The following ZNF486 variants were observed in gnomAD, a reference collection of about 807,000 sequenced individuals.
The protein encoded by ZNF486 is KRAB box only protein 2.
A neutral mutation model predicts 12.8 loss-of-function variants in ZNF486; 12 were observed. That is an observed-to-expected ratio of 0.94 (90% CI 0.60 to 1.52). The LOEUF (loss-of-function observed/expected upper bound fraction) is 1.52. Among genes scored for constraint, ZNF486 ranks in the 40% most tolerant of loss-of-function variants. The pLI is 0.00. For missense variants in ZNF486, 738 were observed against 545.0 expected, an observed-to-expected ratio of 1.35 and a Z score of -3.53; for synonymous variants, 231 against 184.9, an observed-to-expected ratio of 1.25 and a Z score of -2.02.
chr19:20,185,794 T>A (rs1473879798), intron 2 of ZNF486, among the ~76,000 whole-genome samples, 193 bp from the exon 3 acceptor site: 3 of 144,104 alleles, frequency 2.1e-5, no homozygotes, highest in African/African-American at 8.3e-5. Flanking sequence ...CTTATTTTAC[T>A]CCATCTCCAA....
chr19:20,193,697 A>G (rs2089926362), intron 3 of ZNF486, among the ~76,000 whole-genome samples: 1 of 152,176 alleles, frequency 6.6e-6, no homozygotes, highest in Non-Finnish European at 1.5e-5. Context: ...GATTGGAAAG[A>G]TGATTATATA....
At chr19:20,172,249 G>A (rs937797810) in intron 1 of ZNF486, among the ~76,000 whole-genome samples, 31 of 151,608 alleles carry the variant, frequency 2.0e-4, no homozygotes, top group African/African-American at 6.1e-4. Context: ...GTGATTACCC[G>A]GCCTCAGCCT....
chr19:20,167,506 C>G, intron 1 of ZNF486, 146 bp downstream of exon 1: 1 of 915,212 alleles, frequency 1.1e-6, no homozygotes, highest in East Asian at 2.6e-5. Flanking sequence ...TCCCCTTCAG[C>G]CATAAGATGG....
rs140963330 is a variant in ZNF486, at chr19:20,169,153, T to C, written c.30+1793T>C. On this transcript the variant is annotated intron_variant, in intron 1 of 3. Coordinates refer to ENST00000335117, the MANE Select transcript of ZNF486 (RefSeq NM_052852.4). ...TTTTGACATGGAGTTTAGCTCTTAT[T>C]ACCCAGTCTGGAGTGCAATGGTATG... 9.6e-3 allele frequency among the ~76,000 whole-genome samples: 1,455 copies of C among 152,154 alleles called. 27 individuals carry two copies. The highest frequency in any genetic ancestry group is 0.034 in the African/African-American group (1,396 of 41,504).
intron 3 of ZNF486, among the ~76,000 whole-genome samples, chr19:20,193,558 G>C (rs1555717490): frequency 1.3e-5 from 2 of 152,164 alleles, no homozygotes; most frequent in African/African-American, 4.8e-5. Flanking sequence ...CTCCTCAGGA[G>C]GCTGAAGCAG....
At position 20,175,331 on chromosome 19, in the gene ZNF486, A is replaced by ATTTTTTTTTTTTTTTT. The variant is rs782300626; in HGVS notation, c.30+7975_30+7990dup. 2.6e-3 allele frequency: 309 copies of ATTTTTTTTTTTTTTTT among 119,732 alleles called. 3 individuals carry two copies. Among genetic ancestry groups the ATTTTTTTTTTTTTTTT allele is most frequent in the Non-Finnish European group, 4.0e-3 (239 of 59,568 alleles). The allele number at this position is 119,732 out of a possible 1,614,324, so 7.4% of individuals were successfully genotyped here. A position where few individuals can be genotyped will look rare whatever the true frequency, so the allele number is the denominator to read the frequency against. The stretch of plus-strand genomic sequence containing the variant: ...GGTGTCTGTTTCAGAAGCCCTATTA[A>ATTTTTTTTTTTTTTTT]TTTTTTTTTTTTTTTTTTTATTGAT... On this transcript the variant is annotated intron_variant, in intron 1 of 3. Coordinates refer to ENST00000335117, the MANE Select transcript of ZNF486 (RefSeq NM_052852.4).
chr19:20,187,445 G>C (rs1419800084), intron 3 of ZNF486, among the ~76,000 whole-genome samples: 1 of 150,664 alleles, frequency 6.6e-6, no homozygotes, highest in African/African-American at 2.4e-5. Context: ...TTGACAATGG[G>C]CACAATATAG....
chr19:20,190,763 CTTGGTT>C, intron 3 of ZNF486, among the ~76,000 whole-genome samples: 1 of 152,158 alleles, frequency 6.6e-6, no homozygotes, highest in Non-Finnish European at 1.5e-5. Flanking sequence ...TGTGTATTAT[CTTGGTT>C]TTGACTGGAG....
chr19:20,176,308 G>T, intron 1 of ZNF486: 1 of 180,486 alleles, frequency 5.5e-6, no homozygotes, highest in Non-Finnish European at 1.1e-5. Flanking sequence ...TAGATGGGAT[G>T]GCGGCCGGGC....
chr19:20,178,343 A>G (rs2089746570), intron 1 of ZNF486, among the ~76,000 whole-genome samples: 1 of 152,116 alleles, frequency 6.6e-6, no homozygotes, highest in South Asian at 2.1e-4. Flanking sequence ...TCCTGGGTTC[A>G]TGCCATTCTC....
chr19:20,197,594 A>G lies in ZNF486; in HGVS notation c.884A>G (p.Lys295Arg), dbSNP rs1245906167. 2 of 1,613,644 alleles carry G rather than the reference A, an allele frequency of 1.2e-6. No individual in the cohort carries two copies. The highest frequency in any genetic ancestry group is 1.3e-5 in the African/African-American group (1 of 74,876). Residue 295 changes from lysine to arginine, a missense_variant, in exon 4 of 4, where the codon AAA (lysine) becomes AGA (arginine). Lys to Arg is a conservative substitution (Grantham distance 26). Transcript: ENST00000335117. Reference sequence around the variant, plus strand: ...ATCCATACTGGAGAGCAACCCTACAAATGTAAAGAATGTGACAAAGCTTTT... The same window carrying G: ...ATCCATACTGGAGAGCAACCCTACAGATGTAAAGAATGTGACAAAGCTTTT... ...KIIHTGEQPY[K>R]CKECDKAFNH...
chr19:20,186,039 A>T lies in ZNF486; in HGVS notation c.210A>T (p.Lys70Asn). ...DLITCLEQGI[K>N]PLTMKRHEMI... ...TCACCTGTCTGGAGCAAGGAATAAA[A>T]CCTCTGACTATGAAGAGACATGAGA... Residue 70 changes from lysine (K) to asparagine (N), a missense_variant, in exon 3 of 4, where the codon AAA becomes AAT. Coordinates refer to ENST00000335117, the MANE Select transcript of ZNF486 (RefSeq NM_052852.4). 1 of 1,594,114 alleles carries T rather than the reference A, an allele frequency of 6.3e-7. No individual in the cohort carries two copies. Among genetic ancestry groups the T allele is most frequent in the Non-Finnish European group, 8.5e-7 (1 of 1,172,098 alleles).
At chr19:20,174,670 T>G (rs2122632896) in intron 1 of ZNF486, among the ~76,000 whole-genome samples, 1 of 152,330 alleles carries the variant, frequency 6.6e-6, no homozygotes, top group Non-Finnish European at 1.5e-5. Flanking sequence ...ATTACAGGTG[T>G]GAGCCATAAA....
At chr19:20,194,497 C>T (rs946775147) in intron 3 of ZNF486, among the ~76,000 whole-genome samples, 14 of 152,124 alleles carry the variant, frequency 9.2e-5, no homozygotes, top group East Asian at 5.8e-4. Context: ...GAGACTGAGA[C>T]GGGCAGACCA....
chr19:20,177,695 C>T (rs1304024281), intron 1 of ZNF486, among the ~76,000 whole-genome samples: 1 of 152,116 alleles, frequency 6.6e-6, no homozygotes, highest in East Asian at 1.9e-4. Flanking sequence ...CTGCCTTAGC[C>T]TCCCTAGTAG....
At chr19:20,173,593 G>T (rs1264632127) in intron 1 of ZNF486, among the ~76,000 whole-genome samples, 1 of 152,154 alleles carries the variant, frequency 6.6e-6, no homozygotes, top group Non-Finnish European at 1.5e-5. Context: ...CACTTTTGGA[G>T]GCTGAGGTGG....
At chr19:20,185,966 T>G in intron 2 of ZNF486, 21 bp from the exon 3 acceptor site, 2 of 1,471,450 alleles carry the variant, frequency 1.4e-6, no homozygotes, top group Admixed American at 2.2e-5. Flanking sequence ...AGATTAATGC[T>G]ATTTATTTTT....
At chr19:20,179,894 G>C (rs2089765359) in intron 1 of ZNF486, among the ~76,000 whole-genome samples, 1 of 152,200 alleles carries the variant, frequency 6.6e-6, no homozygotes, top group South Asian at 2.1e-4. Context: ...AAAGTATCCA[G>C]AGCCTTGATC....
At chr19:20,178,736 A>G (rs1334759231) in intron 1 of ZNF486, among the ~76,000 whole-genome samples, 2 of 152,192 alleles carry the variant, frequency 1.3e-5, no homozygotes, top group East Asian at 1.9e-4. Flanking sequence ...TTTGTTATCT[A>G]TAGTCCTGTA....
Sources: gnomAD v4.1 joint callset for allele counts (sites outside exome capture counted in the v4.1 genomes callset) on GRCh38, gnomAD v4.1.1 for gene constraint, MANE v1.5 for transcripts, NCBI Gene and HGNC (gene_info 2026-07-23, HGNC 2026-07-21) for gene names.